The following CEACAM4 variants were observed in gnomAD, a reference collection of about 807,000 sequenced individuals.
CEACAM4 encodes the protein CEA cell adhesion molecule 4.
A neutral mutation model predicts 28.7 loss-of-function variants in CEACAM4; 30 were observed. The observed-to-expected ratio is 1.05, with a 90% CI of 0.78 to 1.42. The LOEUF (loss-of-function observed/expected upper bound fraction) is 1.42, where lower values mean the gene tolerates loss of function less well. CEACAM4 is among the 40% of genes most tolerant of loss of function. The pLI is 0.00. For missense variants in CEACAM4, 330 were observed against 308.2 expected, an observed-to-expected ratio of 1.07 and a Z score of -0.53; for synonymous variants, 143 against 126.5, an observed-to-expected ratio of 1.13 and a Z score of -0.87.
chr19:41,621,063 G>C (rs782623732), intron 3 of CEACAM4, among the ~76,000 whole-genome samples: 18 of 152,228 alleles, frequency 1.2e-4, no homozygotes, highest in Non-Finnish European at 1.9e-4. Context: ...GCCATGGCCA[G>C]ACCCTCCTTT....
In CEACAM4 at chr19:41,619,033, T is replaced by G; in HGVS notation, c.*297A>C. The G allele has an allele frequency of 2.3e-6, 1 of 440,344 alleles. No individual in the cohort carries two copies. The allele number at this position is 440,344 out of a possible 1,614,324, so 27.3% of individuals were successfully genotyped here. A position where few individuals can be genotyped will look rare whatever the true frequency, so the allele number is the denominator to read the frequency against. On this transcript the variant is annotated 3_prime_UTR_variant, in exon 7 of 7. Coordinates refer to ENST00000221954, the MANE Select transcript of CEACAM4 (RefSeq NM_001817.4). ...GAGCCAATGAGAGGAAGGGTCCTCT[T>G]TATTCAGATCCTTTCCTGGTGACCC...
At chr19:41,617,316 G>T (rs138789411), downstream of CEACAM4, among the ~76,000 whole-genome samples, 23 of 152,330 alleles carry the variant, frequency 1.5e-4, 1 homozygote, top group Middle Eastern at 3.4e-3. Flanking sequence ...TCAGGATCTG[G>T]AGGGTGCTGG....
intron 2 of CEACAM4, 73 bp downstream of exon 2, chr19:41,625,528 C>A: frequency 6.6e-7 from 1 of 1,521,336 alleles, no homozygotes; most frequent in Non-Finnish European, 8.8e-7. Flanking sequence ...CAGGCACAGC[C>A]CAGGCCTGAC....
chr19:41,622,847 CATAT>C (rs67983728), intron 2 of CEACAM4, among the ~76,000 whole-genome samples: 4,864 of 123,548 alleles, frequency 0.039, 110 homozygotes, highest in African/African-American at 0.088. Context: ...CATATATATA[CATAT>C]ATATAGATAG....
chr19:41,625,582 G>C lies in CEACAM4; in HGVS notation c.424+19C>G. 1 of 1,557,054 alleles carries C rather than the reference G, an allele frequency of 6.4e-7. No homozygotes were observed. Among genetic ancestry groups the C allele is most frequent in the Non-Finnish European group, 8.7e-7 (1 of 1,150,662 alleles). Reference sequence around the variant, plus strand: ...CAGAACTGACCGCCAGCACCCAGAGGTATGGGGGAATCACTCACGGTGTAC... The same window carrying C: ...CAGAACTGACCGCCAGCACCCAGAGCTATGGGGGAATCACTCACGGTGTAC... On this transcript the variant is annotated intron_variant, in intron 2 of 6. Transcript: ENST00000221954.
Position 41,620,521 on chromosome 19 carries a change from G to C in CEACAM4, c.595+54C>G, listed in dbSNP as rs541758420. 9 of 1,477,288 alleles carry C rather than the reference G, an allele frequency of 6.1e-6. No homozygotes were observed. In the South Asian group the frequency reaches 1.1e-4, roughly 18 times the overall value. The allele number at this position is 1,477,288 out of a possible 1,614,324, so 91.5% of individuals were successfully genotyped here. ...CCCCAGGGGGTGACTGGCAGGAGTG[G>C]ACACCGTAGGGCAGGCCTAGGGGCT... On this transcript the variant is annotated intron_variant, in intron 4 of 6. Coordinates refer to ENST00000221954, the MANE Select transcript of CEACAM4 (RefSeq NM_001817.4).
At chr19:41,623,266 C>A (rs1364204755) in intron 2 of CEACAM4, among the ~76,000 whole-genome samples, 1 of 152,168 alleles carries the variant, frequency 6.6e-6, no homozygotes, top group African/African-American at 2.4e-5. Flanking sequence ...GATCTGCCTG[C>A]CTCGGCCTCC....
intron 2 of CEACAM4, among the ~76,000 whole-genome samples, chr19:41,625,168 C>T (rs1430996320): frequency 6.6e-6 from 1 of 152,188 alleles, no homozygotes; most frequent in Non-Finnish European, 1.5e-5. Flanking sequence ...AATCCTTGCT[C>T]CCAGTAAGCC....
chr19:41,621,923 C>T (rs1240783147), intron 2 of CEACAM4, among the ~76,000 whole-genome samples, 155 bp from the exon 3 acceptor site: 1 of 152,154 alleles, frequency 6.6e-6, no homozygotes, highest in Non-Finnish European at 1.5e-5. Flanking sequence ...GACTCCCTTG[C>T]TCTCCACGGT....
At chr19:41,622,744 T>C (rs2071367954) in intron 2 of CEACAM4, among the ~76,000 whole-genome samples, 1 of 152,208 alleles carries the variant, frequency 6.6e-6, no homozygotes, top group African/African-American at 2.4e-5. Context: ...GCTCTCGCCC[T>C]GTGTATAACT....
At chr19:41,626,498 G>A (rs1446632458) in intron 1 of CEACAM4, among the ~76,000 whole-genome samples, 1 of 152,210 alleles carries the variant, frequency 6.6e-6, no homozygotes, top group Non-Finnish European at 1.5e-5. Context: ...GAGTTCATGA[G>A]CATTCTCAGG....
chr19:41,620,532 G>A (rs1555800829), intron 4 of CEACAM4, 43 bp downstream of exon 4: 7 of 1,554,950 alleles, frequency 4.5e-6, no homozygotes, highest in African/African-American at 1.4e-5. Flanking sequence ...ACACCGTAGG[G>A]CAGGCCTAGG....
At chr19:41,625,019 T>C (rs1568658470) in intron 2 of CEACAM4, among the ~76,000 whole-genome samples, 1 of 152,166 alleles carries the variant, frequency 6.6e-6, no homozygotes, top group Non-Finnish European at 1.5e-5. Flanking sequence ...GCCAATGCCC[T>C]AGTAATCCTG....
rs1555800606 is a variant in CEACAM4 at position 41,620,202 on chromosome 19, C to T, written c.627+9G>A. The T allele has an allele frequency of 6.7e-7, 1 of 1,491,872 alleles. No individual in the cohort carries two copies. Among genetic ancestry groups the T allele is most frequent in the Non-Finnish European group, 8.9e-7 (1 of 1,126,058 alleles). The allele number at this position is 1,491,872 out of a possible 1,614,324, so 92.4% of individuals were successfully genotyped here. On this transcript the variant is annotated intron_variant, in intron 5 of 6. Transcript: ENST00000221954. ...CAGTAGAAAAGGGCTGGGGAGGGAA[C>T]AGGCTTACCGAGAAGGTGGATCTGT... is the stretch of plus-strand genomic sequence containing the variant.
At chr19:41,616,908 G>T (rs1474343131), downstream of CEACAM4, among the ~76,000 whole-genome samples, 1 of 152,172 alleles carries the variant, frequency 6.6e-6, no homozygotes, top group Non-Finnish European at 1.5e-5. Flanking sequence ...CCCCCCAAGA[G>T]ACCACATCCT....
chr19:41,626,321 C>T (rs1000199324), intron 1 of CEACAM4, among the ~76,000 whole-genome samples: 1 of 152,174 alleles, frequency 6.6e-6, no homozygotes, highest in Admixed American at 6.5e-5. Flanking sequence ...TCTGACCTTT[C>T]CCAGCTCTGT....
At chr19:41,617,349 G>T (rs1430730905), downstream of CEACAM4, among the ~76,000 whole-genome samples, 1 of 152,182 alleles carries the variant, frequency 6.6e-6, no homozygotes, top group Non-Finnish European at 1.5e-5. Flanking sequence ...AGGAACTGAC[G>T]CCACAGTCAT....
downstream of CEACAM4, among the ~76,000 whole-genome samples, chr19:41,615,615 G>T (rs982433847): frequency 1.3e-5 from 2 of 152,126 alleles, no homozygotes. Flanking sequence ...CTCCTGAAAA[G>T]ACAAAGCCTC....
chr19:41,620,387 G>T, intron 4 of CEACAM4, 145 bp from the exon 5 acceptor site: 1 of 885,364 alleles, frequency 1.1e-6, no homozygotes, highest in Non-Finnish European at 1.7e-6. Flanking sequence ...AGGTCGAGGA[G>T]GTGACCCACG....
Sources: gnomAD v4.1 joint callset for allele counts (sites outside exome capture counted in the v4.1 genomes callset) on GRCh38, gnomAD v4.1.1 for gene constraint, MANE v1.5 for transcripts, NCBI Gene and HGNC (gene_info 2026-07-23, HGNC 2026-07-21) for gene names.